The following ZNF84 variants were observed in gnomAD, a reference collection of about 807,000 sequenced individuals.
ZNF84 encodes zinc finger protein 84.
Under a neutral mutation model 14.8 loss-of-function variants are expected in ZNF84, and 12 were observed. The ratio of observed to expected loss-of-function variants is 0.81; its 90% CI spans 0.52 to 1.31. ZNF84 has a LOEUF of 1.31. Ranked by LOEUF, ZNF84 falls within the 50% of genes most tolerant of loss-of-function variation. The pLI is 0.00. For missense variants in ZNF84, 859 were observed against 878.6 expected, an observed-to-expected ratio of 0.98 and a Z score of 0.28; for synonymous variants, 347 against 291.1, an observed-to-expected ratio of 1.19 and a Z score of -1.96.
In ZNF84 at chr12:133,059,274, G is replaced by A. The variant is rs970508124; in HGVS notation, c.*342G>A. 12 of 376,002 alleles carry A rather than the reference G, an allele frequency of 3.2e-5. No homozygotes were observed. The highest frequency in any genetic ancestry group is 8.5e-5 in the Admixed American group (2 of 23,504). 23.3% of individuals were successfully genotyped at this position (376,002 alleles called of 1,614,324 possible). Reference sequence around the variant, plus strand: ...GGATGAGGGAAAACCCCATGAATGCGGGAAATGAGGCAATATTTTTAAGAA... The same window carrying A: ...GGATGAGGGAAAACCCCATGAATGCAGGAAATGAGGCAATATTTTTAAGAA... On this transcript the variant is annotated 3_prime_UTR_variant, in exon 5 of 5. Transcript: ENST00000539354.
At chr12:133,056,879 C>A in intron 4 of ZNF84, 75 bp from the exon 5 acceptor site, 1 of 1,345,586 alleles carries the variant, frequency 7.4e-7, no homozygotes, top group Non-Finnish European at 1.0e-6. Flanking sequence ...CTCAACATAG[C>A]ATTTCTAGTT....
chr12:133,055,203 G>A (rs1954133234), intron 4 of ZNF84, among the ~76,000 whole-genome samples: 1 of 151,988 alleles, frequency 6.6e-6, no homozygotes. Flanking sequence ...TCCATGTCAA[G>A]TGCCTAGAAT....
chr12:133,057,049 A>G lies in ZNF84; in HGVS notation c.334A>G (p.Lys112Glu), dbSNP rs1954172001. ...AGGTCATGAATGTGATGCATTTGGA[A>G]AAAATTTCAATCTGAACATGAACTT... ...KRGHECDAFGKNFNLNMNFVP... is the reference protein window; with the variant it reads ...KRGHECDAFGENFNLNMNFVP... Residue 112 changes from lysine (K) to glutamate (E), a missense_variant, in exon 5 of 5, where the codon AAA (lysine) becomes GAA (glutamate). Transcript: ENST00000539354. 6.8e-6 allele frequency: 11 copies of G among 1,613,126 alleles called. No homozygotes were observed. In the South Asian group the frequency reaches 1.2e-4, roughly 18 times the overall value.
At chr12:133,046,374 T>G (rs1953979808) in intron 2 of ZNF84, among the ~76,000 whole-genome samples, 1 of 101,792 alleles carries the variant, frequency 9.8e-6, no homozygotes, top group African/African-American at 3.2e-5. Context: ...TTTTTTTTTT[T>G]TTTTTTTTTA....
rs922866617 is a variant in ZNF84, at chr12:133,059,411, A to G, written c.*479A>G. ...GACTATTTTGTATTTTGGAGAATTCATATTATGGAGAACCTAACAATTTAA... is the reference window on the plus strand; with the variant it reads ...GACTATTTTGTATTTTGGAGAATTCGTATTATGGAGAACCTAACAATTTAA... On this transcript the variant is annotated 3_prime_UTR_variant, in exon 5 of 5. Transcript: ENST00000539354. 4.2e-5 allele frequency: 7 copies of G among 166,950 alleles called. No homozygotes were observed. The highest frequency in any genetic ancestry group is 1.2e-4 in the African/African-American group (5 of 42,114). 10.3% of individuals were successfully genotyped at this position (166,950 alleles called of 1,614,324 possible).
chr12:133,042,551 T>G (rs915360961), intron 2 of ZNF84, among the ~76,000 whole-genome samples: 1 of 152,206 alleles, frequency 6.6e-6, no homozygotes, highest in African/African-American at 2.4e-5. Flanking sequence ...AAGCGTAGGC[T>G]TTATAGGGTT....
intron 4 of ZNF84, 50 bp downstream of exon 4, chr12:133,048,898 A>G: frequency 3.3e-6 from 5 of 1,496,416 alleles, no homozygotes; most frequent in Non-Finnish European, 4.6e-6. Context: ...GCCCCATGTC[A>G]TCTGGTCAGT....
In ZNF84 at chr12:133,063,037, T is replaced by G. The variant is rs1316181923; in HGVS notation, c.*4105T>G. Reference sequence around the variant, plus strand: ...AAGCTAGTACTATCTTTTTTGTCTGTGTAATTTTTGCATCACAAGCTATAT... The same window carrying G: ...AAGCTAGTACTATCTTTTTTGTCTGGGTAATTTTTGCATCACAAGCTATAT... On this transcript the variant is annotated 3_prime_UTR_variant, in exon 5 of 5. Transcript: ENST00000539354. 1.4e-6 allele frequency: 1 copy of G among 694,770 alleles called. No homozygotes were observed. The highest frequency in any genetic ancestry group is 1.8e-5 in the African/African-American group (1 of 56,962). 43.0% of individuals were successfully genotyped at this position (694,770 alleles called of 1,614,324 possible).
At chr12:133,044,511 A>G (rs1227857369) in intron 2 of ZNF84, among the ~76,000 whole-genome samples, 2 of 151,824 alleles carry the variant, frequency 1.3e-5, no homozygotes, top group African/African-American at 4.8e-5. Context: ...TAGATCTTGC[A>G]TTTTTTTTGA....
intron 4 of ZNF84, among the ~76,000 whole-genome samples, chr12:133,054,762 T>G (rs1954125406): frequency 6.6e-6 from 1 of 152,114 alleles, no homozygotes; most frequent in South Asian, 2.1e-4. Flanking sequence ...TAAATTTAAT[T>G]TTTCTTTTTC....
At position 133,057,817 on chromosome 12, in the gene ZNF84, A is replaced by G. The variant is rs1208824107; in HGVS notation, c.1102A>G (p.Thr368Ala). 6.2e-7 allele frequency: 1 copy of G among 1,614,046 alleles called. No individual in the cohort carries two copies. Among genetic ancestry groups the G allele is most frequent in the African/African-American group, 1.3e-5 (1 of 74,896 alleles). The stretch of plus-strand genomic sequence containing the variant: ...GTCACAACTCGTTACACATCACAGA[A>G]CTCACACAGGAACAAAACCCTTTGG... ...RKSQLVTHHR[T>A]HTGTKPFGCS... Residue 368 changes from threonine to alanine, a missense_variant, in exon 5 of 5, where the codon ACT becomes GCT. Physicochemically the swap from Thr to Ala is moderately conservative, Grantham distance 58 (BLOSUM62 0). Transcript: ENST00000539354.
chr12:133,060,177 G>A lies in ZNF84; in HGVS notation c.*1245G>A, dbSNP rs971881815. 6.6e-6 allele frequency: 1 copy of A among 150,878 alleles called. No homozygotes were observed. Among genetic ancestry groups the A allele is most frequent in the Non-Finnish European group, 1.5e-5 (1 of 68,002 alleles). 9.3% of individuals were successfully genotyped at this position (150,878 alleles called of 1,614,324 possible). ...CCAAATGTCACTATTTTAATTTACT[G>A]TGATAAAGTATCATGGATATTTTGT... is the stretch of plus-strand genomic sequence containing the variant. On this transcript the variant is annotated 3_prime_UTR_variant, in exon 5 of 5. Transcript: ENST00000539354.
At chr12:133,042,288 A>G (rs1953900886) in intron 2 of ZNF84, among the ~76,000 whole-genome samples, 1 of 152,236 alleles carries the variant, frequency 6.6e-6, no homozygotes, top group East Asian at 1.9e-4. Flanking sequence ...TTCTCAACAT[A>G]ACGAAAAATA....
chr12:133,049,160 T>C (rs1954033689), intron 4 of ZNF84, among the ~76,000 whole-genome samples: 1 of 152,236 alleles, frequency 6.6e-6, no homozygotes, highest in South Asian at 2.1e-4. Context: ...CTGCTTATCT[T>C]GGCCATGACG....
intron 4 of ZNF84, 77 bp downstream of exon 4, chr12:133,048,925 A>G (rs1261739423): frequency 1.6e-6 from 2 of 1,214,452 alleles, no homozygotes; most frequent in Non-Finnish European, 2.4e-6. Context: ...TGGGCTAGTC[A>G]GTGATGGGTG....
chr12:133,058,383 A>G lies in ZNF84; in HGVS notation c.1668A>G (p.Ser556=). Residue 556 remains serine (S), a synonymous_variant, in exon 5 of 5, where the codon TCA becomes TCG. Coordinates refer to ENST00000539354, the MANE Select transcript of ZNF84 (RefSeq NM_001289971.2). ...GTGGGAAGGCCTTTGGTGAGAAGTC[A>G]AGTCTTGCAACTCATCAGAGAACTC... is the stretch of plus-strand genomic sequence containing the variant. ...SECGKAFGEK[S]SLATHQRTHT... is the part of the protein sequence containing the mutation. The G allele has an allele frequency of 6.2e-7, 1 of 1,614,048 alleles. No homozygotes were observed. The highest frequency in any genetic ancestry group is 8.5e-7 in the Non-Finnish European group (1 of 1,179,992).
At chr12:133,043,138 A>G (rs1213443569) in intron 2 of ZNF84, among the ~76,000 whole-genome samples, 4 of 152,100 alleles carry the variant, frequency 2.6e-5, no homozygotes, top group Non-Finnish European at 4.4e-5. Flanking sequence ...ATTCACTGCA[A>G]TTGCAACTGC....
intron 2 of ZNF84, 106 bp downstream of exon 2, chr12:133,041,588 T>C: frequency 1.7e-6 from 2 of 1,165,894 alleles, no homozygotes; most frequent in Non-Finnish European, 2.6e-6. Flanking sequence ...CAGAGGAAAA[T>C]AGCCTCAGAT....
chr12:133,041,291 G>C lies in ZNF84; in HGVS notation c.-177G>C. The stretch of plus-strand genomic sequence containing the variant: ...TTTCTCCCGAAGTCCACAGATCCTG[G>C]TCCCTACAAATAAGCCTGCTCATGT... On this transcript the variant is annotated 5_prime_UTR_variant, in exon 2 of 5. Coordinates refer to ENST00000539354, the MANE Select transcript of ZNF84 (RefSeq NM_001289971.2). The C allele has an allele frequency of 1.6e-6, 1 of 626,338 alleles. No individual in the cohort carries two copies. 38.8% of individuals were successfully genotyped at this position (626,338 alleles called of 1,614,324 possible). A position where few individuals can be genotyped will look rare whatever the true frequency, so the allele number is the denominator to read the frequency against.
Sources: gnomAD v4.1 joint callset for allele counts (sites outside exome capture counted in the v4.1 genomes callset) on GRCh38, gnomAD v4.1.1 for gene constraint, MANE v1.5 for transcripts, NCBI Gene and HGNC (gene_info 2026-07-23, HGNC 2026-07-21) for gene names.